Variants in SEC23IP observed in about 807,000 individuals in gnomAD.
SEC23IP encodes SEC23 interacting protein.
In SEC23IP, 70 loss-of-function variants were observed where a neutral mutation model predicts 113.4. The ratio of observed to expected loss-of-function variants is 0.62; its 90% confidence interval spans 0.51 to 0.75. The LOEUF is 0.75. Among genes scored for constraint, SEC23IP ranks in the 30% least tolerant of loss-of-function variants. The pLI is 0.00. For synonymous variants in SEC23IP, 398 were observed against 421.0 expected (o/e 0.95, Z 0.67); for missense variants, 1,160 against 1,204.9 (o/e 0.96, Z 0.55).
At position 119,918,466 on chromosome 10, in the gene SEC23IP, T is replaced by G. The variant is rs1855128200; in HGVS notation, c.1827T>G (p.Ala609=). ...TATCAAAGTGCCCTGGACCTCTTGC[T>G]GTTGCTAATGGAGTTGTGAAGCAGC... ...LNLSKCPGPL[A]VANGVVKQLH... is the part of the protein sequence containing the mutation. The change falls in exon 10 of 19, where the codon GCT becomes GCG. Residue 609 remains alanine, a synonymous_variant. Transcript: ENST00000369075. 1.9e-6 allele frequency: 3 copies of G among 1,613,854 alleles called. No individual in the cohort carries two copies. The East Asian group carries it at 6.7e-5, about 36-fold the overall frequency.
At chr10:119,911,176 A>C (rs1261731129) in intron 5 of SEC23IP, among the ~76,000 whole-genome samples, 1 of 151,776 alleles carries the variant, frequency 6.6e-6, no homozygotes, top group Admixed American at 6.6e-5. Flanking sequence ...TTGTAGTTTA[A>C]TTGGGAATCT....
Position 119,909,074 on chromosome 10 carries a change from T to C in SEC23IP, c.1135T>C (p.Trp379Arg). ...EYKKAVTTNQ[W>R]HRRLEFPSGE... ...TAAAAAAGCTGTAACCACTAATCAG[T>C]GGCACCGAAGATTAGAGTTTCCAAG... Residue 379 changes from tryptophan to arginine, a missense_variant, in exon 5 of 19, where the codon TGG (tryptophan) becomes CGG (arginine). Coordinates refer to ENST00000369075, the MANE Select transcript of SEC23IP (RefSeq NM_007190.4). 6.2e-7 allele frequency: 1 copy of C among 1,613,162 alleles called. No homozygotes were observed. Among genetic ancestry groups the C allele is most frequent in the Non-Finnish European group, 8.5e-7 (1 of 1,179,468 alleles).
At chr10:119,896,218 C>T (rs1438962180) in intron 1 of SEC23IP, among the ~76,000 whole-genome samples, 1 of 152,184 alleles carries the variant, frequency 6.6e-6, no homozygotes, top group Non-Finnish European at 1.5e-5. Context: ...TCTGTCAGAA[C>T]AGAGGCCCAT....
intron 13 of SEC23IP, among the ~76,000 whole-genome samples, chr10:119,926,866 C>T (rs1030487007): frequency 5.9e-5 from 9 of 152,038 alleles, no homozygotes; most frequent in African/African-American, 1.9e-4. Flanking sequence ...AGTAAATGTT[C>T]CTTTACAACT....
At chr10:119,940,187 A>ATTTT (rs11289281) in intron 18 of SEC23IP, among the ~76,000 whole-genome samples, 1 of 128,164 alleles carries the variant, frequency 7.8e-6, no homozygotes, top group Non-Finnish European at 1.6e-5. Context: ...TGGATTGTCC[A>ATTTT]TTTTTTTTTT....
At position 119,912,164 on chromosome 10, in the gene SEC23IP, G is replaced by A. The variant is rs766354801; in HGVS notation, c.1312G>A (p.Gly438Arg). Reference sequence around the variant, plus strand: ...TGATAACCTTGATGAAATTCCCGACGGTGTGTATAGTTTGTTTAGAACTGA... The same window carrying A: ...TGATAACCTTGATGAAATTCCCGACAGTGTGTATAGTTTGTTTAGAACTGA... ...IDDNLDEIPDGEMPQVDHLVF... is the reference protein window; with the variant it reads ...IDDNLDEIPDREMPQVDHLVF... Residue 438 changes from glycine to arginine, a missense_variant and splice_region_variant, in exon 6 of 19, where the codon GGG becomes AGG. Physicochemically the swap from Gly to Arg is moderately radical, Grantham distance 125 (BLOSUM62 -2). Coordinates refer to ENST00000369075, the MANE Select transcript of SEC23IP (RefSeq NM_007190.4). 3.1e-6 allele frequency: 5 copies of A among 1,613,824 alleles called. No individual in the cohort carries two copies. Among genetic ancestry groups the A allele is most frequent in the South Asian group, 1.1e-5 (1 of 91,002 alleles).
intron 17 of SEC23IP, 132 bp from the exon 18 acceptor site, chr10:119,933,554 G>C: frequency 1.6e-6 from 1 of 620,436 alleles, no homozygotes; most frequent in South Asian, 2.0e-5. Context: ...TTATTACACT[G>C]AGATTACATT....
chr10:119,905,915 G>A (rs1212766617), intron 4 of SEC23IP, among the ~76,000 whole-genome samples: 1 of 152,008 alleles, frequency 6.6e-6, no homozygotes, highest in Non-Finnish European at 1.5e-5. Flanking sequence ...GGCAATGTAG[G>A]AAAAAAGCCC....
intron 7 of SEC23IP, among the ~76,000 whole-genome samples, chr10:119,915,317 A>G (rs577108794): frequency 1.3e-5 from 2 of 152,198 alleles, no homozygotes; most frequent in African/African-American, 4.8e-5. Context: ...TGTCACTGTT[A>G]TCGCCACTAC....
chr10:119,940,281 G>A (rs565620868), intron 18 of SEC23IP, among the ~76,000 whole-genome samples: 3 of 148,662 alleles, frequency 2.0e-5, no homozygotes, highest in South Asian at 2.1e-4. Context: ...TCCGCCTCCC[G>A]TGTTCACACC....
chr10:119,910,876 G>C (rs1854834871), intron 5 of SEC23IP, among the ~76,000 whole-genome samples: 1 of 151,802 alleles, frequency 6.6e-6, no homozygotes, highest in East Asian at 1.9e-4. Flanking sequence ...GCAGAGATGG[G>C]GTCTTGCTAT....
rs1856017520 is a variant in SEC23IP at position 119,943,843 on chromosome 10, G to A, written c.*3278G>A. 1 of 152,220 alleles carries A rather than the reference G, an allele frequency of 6.6e-6. No homozygotes were observed. Among genetic ancestry groups the A allele is most frequent in the South Asian group, 2.1e-4 (1 of 4,832 alleles). 9.4% of individuals were successfully genotyped at this position (152,220 alleles called of 1,614,324 possible). On this transcript the variant is annotated 3_prime_UTR_variant, in exon 19 of 19. Transcript: ENST00000369075. ...TGAGGACACATCTGTGAGATAGTGG[G>A]CAATGCTACATATTCGTTAGTGGAT...
intron 6 of SEC23IP, 22 bp from the exon 7 acceptor site, chr10:119,914,708 G>T (rs1361398324): frequency 2.5e-6 from 4 of 1,601,570 alleles, no homozygotes; most frequent in Non-Finnish European, 3.4e-6. Context: ...TTTTATGTAG[G>T]TTTAAAAATT....
chr10:119,900,169 C>G (rs1854428666), intron 2 of SEC23IP, among the ~76,000 whole-genome samples: 1 of 152,018 alleles, frequency 6.6e-6, no homozygotes, highest in Non-Finnish European at 1.5e-5. Context: ...TAAGGACATT[C>G]TTCTTATGTG....
rs1856032279 is a variant in SEC23IP at position 119,944,544 on chromosome 10, A to G, written c.*3979A>G. 1.3e-5 allele frequency: 2 copies of G among 152,364 alleles called. No homozygotes were observed. The highest frequency in any genetic ancestry group is 4.8e-5 in the African/African-American group (2 of 41,582). The allele number at this position is 152,364 out of a possible 1,614,324, so 9.4% of individuals were successfully genotyped here. A position where few individuals can be genotyped will look rare whatever the true frequency, so the allele number is the denominator to read the frequency against. On this transcript the variant is annotated 3_prime_UTR_variant, in exon 19 of 19. Coordinates refer to ENST00000369075, the MANE Select transcript of SEC23IP (RefSeq NM_007190.4). ...GACCTGTGGAAAGACGCGAGGTTGG[A>G]AAGAACATCACAACTGGGGCGACTG...
chr10:119,918,051 C>G lies in SEC23IP; in HGVS notation c.1753+7C>G. The G allele has an allele frequency of 6.2e-7, 1 of 1,607,452 alleles. No individual in the cohort carries two copies. The highest frequency in any genetic ancestry group is 8.5e-7 in the Non-Finnish European group (1 of 1,174,968). On this transcript the variant is annotated splice_region_variant and intron_variant, in intron 9 of 18. Transcript: ENST00000369075. ...GTTGCTGGTCACAGTTTAGGTAAAA[C>G]TGTCAAATATTCACATTTTAAATAC...
chr10:119,930,484 T>C, intron 15 of SEC23IP, 53 bp downstream of exon 15: 3 of 1,067,654 alleles, frequency 2.8e-6, no homozygotes, highest in Non-Finnish European at 4.3e-6. Context: ...TAATCTGTAA[T>C]GAATTATGAA....
At chr10:119,936,174 T>C (rs978101356) in intron 18 of SEC23IP, among the ~76,000 whole-genome samples, 4 of 152,234 alleles carry the variant, frequency 2.6e-5, no homozygotes, top group Admixed American at 2.0e-4. Flanking sequence ...ATAACTCTGA[T>C]ATGTAGTTTT....
At position 119,929,547 on chromosome 10, in the gene SEC23IP, G is replaced by T. The variant is rs975341336; in HGVS notation, c.2314-60G>T. 4.7e-6 allele frequency: 7 copies of T among 1,494,194 alleles called. No homozygotes were observed. The Admixed American group carries it at 1.1e-4, about 22-fold the overall frequency. 92.6% of individuals were successfully genotyped at this position (1,494,194 alleles called of 1,614,324 possible). A position where few individuals can be genotyped will look rare whatever the true frequency, so the allele number is the denominator to read the frequency against. Reference sequence around the variant, plus strand: ...CCACGCCCGGCCTGAAAATTCAAAAGAATTTTCTACTAGGTGACATTGGAA... The same window carrying T: ...CCACGCCCGGCCTGAAAATTCAAAATAATTTTCTACTAGGTGACATTGGAA... On this transcript the variant is annotated intron_variant, in intron 13 of 18. Coordinates refer to ENST00000369075, the MANE Select transcript of SEC23IP (RefSeq NM_007190.4).
Sources: allele counts gnomAD v4.1 joint callset (sites outside exome capture counted in the v4.1 genomes callset), GRCh38; gene constraint gnomAD v4.1.1; transcripts MANE v1.5; gene names NCBI Gene and HGNC (gene_info 2026-07-23, HGNC 2026-07-21).